Variants in ZNF518A observed in about 807,000 individuals in gnomAD.
ZNF518A encodes zinc finger protein 518.
Under a neutral mutation model 102.7 loss-of-function variants are expected in ZNF518A, and 47 were observed. That is an observed-to-expected ratio of 0.46 (90% CI 0.36 to 0.58). ZNF518A has a LOEUF of 0.58. Ranked by LOEUF, ZNF518A falls within the 20% of genes least tolerant of loss-of-function variation. ZNF518A has a pLI of 0.00. For missense variants in ZNF518A, 1,793 were observed against 1,699.8 expected (o/e 1.05, Z -0.96); for synonymous variants, 652 against 594.6 (o/e 1.10, Z -1.40).
At chr10:96,191,585 A>G in intron 1 of ZNF518A, 1 of 173,406 alleles carries the variant, frequency 5.8e-6, no homozygotes, top group Non-Finnish European at 1.2e-5. Context: ...AAGCATTGGC[A>G]GTGGAGAGCC....
chr10:96,141,253 A>G (rs1554876411), intron 3 of ZNF518A, among the ~76,000 whole-genome samples: 1 of 152,250 alleles, frequency 6.6e-6, no homozygotes, highest in East Asian at 1.9e-4. Flanking sequence ...ATGTAATAGT[A>G]TAAAGCAATT....
chr10:96,177,641 A>C (rs2083213574), intron 1 of ZNF518A, among the ~76,000 whole-genome samples: 1 of 152,196 alleles, frequency 6.6e-6, no homozygotes, highest in Admixed American at 6.5e-5. Context: ...TGTATAGCCT[A>C]GAGGAACCAT....
rs201039662 is a variant in ZNF518A at position 96,197,021 on chromosome 10, T to C, written n.36-6553T>C. The C allele has an allele frequency of 1.2e-6, 2 of 1,613,242 alleles. No individual in the cohort carries two copies. Among genetic ancestry groups the C allele is most frequent in the Non-Finnish European group, 1.7e-6 (2 of 1,179,608 alleles). On this transcript the variant is annotated intron_variant and non_coding_transcript_variant, in intron 1 of 2. Coordinates refer to the ZNF518A transcript ENST00000442635. The stretch of plus-strand genomic sequence containing the variant: ...AATACAACTAGTGTATATGGTTGTT[T>C]GGAATCATGGCCAGAGCTTTTCCGA...
intron 1 of ZNF518A, among the ~76,000 whole-genome samples, chr10:96,198,041 T>G (rs2083520876): frequency 6.6e-6 from 1 of 151,268 alleles, no homozygotes; most frequent in Admixed American, 6.6e-5. Flanking sequence ...GAACAAAAGA[T>G]GGACAAAAAG....
At chr10:96,187,994 G>C (rs587717124) in intron 1 of ZNF518A, among the ~76,000 whole-genome samples, 1 of 152,180 alleles carries the variant, frequency 6.6e-6, no homozygotes. Flanking sequence ...AATTACAGGC[G>C]AGTGCCACCA....
chr10:96,176,851 C>T (rs755599139), intron 1 of ZNF518A, among the ~76,000 whole-genome samples: 55 of 152,248 alleles, frequency 3.6e-4, no homozygotes, highest in Non-Finnish European at 7.4e-4. Context: ...GAGCTGAGAT[C>T]GTGCCACTGC....
intron 3 of ZNF518A, among the ~76,000 whole-genome samples, chr10:96,141,162 AG>A (rs1253523272): frequency 1.3e-5 from 2 of 152,200 alleles, no homozygotes; most frequent in Non-Finnish European, 2.9e-5. Flanking sequence ...GGTTTTTGTG[AG>A]GGAAAAATGA....
At chr10:96,169,986 C>T (rs1036551112) in intron 1 of ZNF518A, among the ~76,000 whole-genome samples, 1 of 152,210 alleles carries the variant, frequency 6.6e-6, no homozygotes, top group Non-Finnish European at 1.5e-5. Context: ...CCAGTGTTTG[C>T]TAAGGGACTT....
intron 3 of ZNF518A, among the ~76,000 whole-genome samples, chr10:96,141,077 A>G (rs185640307): frequency 2.0e-5 from 3 of 152,350 alleles, no homozygotes; most frequent in Admixed American, 6.5e-5. Flanking sequence ...AATCATAGTC[A>G]TATATTTGAT....
At chr10:96,154,408 TCCTC>T (rs782556200) in intron 3 of ZNF518A, among the ~76,000 whole-genome samples, 63 of 152,100 alleles carry the variant, frequency 4.1e-4, no homozygotes, top group South Asian at 3.5e-3. Context: ...CGTTTCTTTC[TCCTC>T]CCTCCCTCCC....
intron 1 of ZNF518A, chr10:96,189,543 GT>G (rs2133901930): frequency 1.5e-6 from 1 of 655,408 alleles, no homozygotes; most frequent in Non-Finnish European, 2.8e-6. Flanking sequence ...TGTTTTACGA[GT>G]TTTTTCCTGT....
At chr10:96,140,529 A>G (rs2081865495) in intron 3 of ZNF518A, among the ~76,000 whole-genome samples, 1 of 152,226 alleles carries the variant, frequency 6.6e-6, no homozygotes, top group Admixed American at 6.5e-5. Flanking sequence ...ACAGAAAAAG[A>G]AAAGAGCAAA....
At chr10:96,173,613 A>G (rs1241991412) in intron 1 of ZNF518A, among the ~76,000 whole-genome samples, 2 of 152,176 alleles carry the variant, frequency 1.3e-5, no homozygotes, top group African/African-American at 4.8e-5. Context: ...TAATAACAGA[A>G]CCACAAAATC....
chr10:96,197,848 G>A (rs961223307), intron 1 of ZNF518A, among the ~76,000 whole-genome samples: 7 of 150,850 alleles, frequency 4.6e-5, no homozygotes, highest in Middle Eastern at 3.2e-3. Flanking sequence ...CCCAGGAGAC[G>A]GAGTTTGCAG....
Position 96,157,055 on chromosome 10 carries a change from A to G in ZNF518A, c.733A>G (p.Thr245Ala). Residue 245 changes from threonine (T) to alanine (A), a missense_variant, in exon 6 of 6, where the codon ACC becomes GCC. Physicochemically the swap from Thr to Ala is moderately conservative, Grantham distance 58. Transcript: ENST00000316045. Reference sequence around the variant, plus strand: ...TGGTAAATGTCATCATGTATGTTTTACCAAAGGAGAGCTTCAGAAGCACCT... The same window carrying G: ...TGGTAAATGTCATCATGTATGTTTTGCCAAAGGAGAGCTTCAGAAGCACCT... ...KCGKCHHVCF[T>A]KGELQKHLHI... 6.2e-7 allele frequency: 1 copy of G among 1,613,630 alleles called. No homozygotes were observed. The highest frequency in any genetic ancestry group is 1.1e-5 in the South Asian group (1 of 90,990).
chr10:96,200,007 GCAT>G lies in ZNF518A; in HGVS notation n.36-3562_36-3560del, dbSNP rs60301802. The G allele has an allele frequency of 0.079, 92,032 of 1,159,098 alleles. 4,269 individuals carry two copies. Among genetic ancestry groups the G allele is most frequent in the South Asian group, 0.16 (6,118 of 38,944 alleles). The allele number at this position is 1,159,098 out of a possible 1,614,324, so 71.8% of individuals were successfully genotyped here. ...CGAGCCACTGCACTCCAGTGAAACTGCATCATCTCAAAACAAATAAATAAAATA... is the reference window on the plus strand; with the variant it reads ...CGAGCCACTGCACTCCAGTGAAACTGCATCTCAAAACAAATAAATAAAATA... On this transcript the variant is annotated intron_variant and non_coding_transcript_variant, in intron 1 of 2. Coordinates refer to the ZNF518A transcript ENST00000442635. This position sits in a 1 kb window ranked among gnomAD's most constrained non-coding sequence, Gnocchi z 4.3.
At chr10:96,181,382 G>A (rs1205684219) in intron 1 of ZNF518A, among the ~76,000 whole-genome samples, 2 of 152,106 alleles carry the variant, frequency 1.3e-5, no homozygotes, top group Non-Finnish European at 1.5e-5. Flanking sequence ...GGCTTTTGTT[G>A]CCATTGCTTT....
chr10:96,166,174 C>G (rs1297289878), downstream of ZNF518A, among the ~76,000 whole-genome samples: 1 of 152,154 alleles, frequency 6.6e-6, no homozygotes, highest in Non-Finnish European at 1.5e-5. Context: ...TTCCTTCTGT[C>G]CAGGCTCCTA....
chr10:96,201,910 T>C (rs1426151803), intron 1 of ZNF518A, among the ~76,000 whole-genome samples: 1 of 152,064 alleles, frequency 6.6e-6, no homozygotes, highest in Non-Finnish European at 1.5e-5. Flanking sequence ...ATATATATAA[T>C]GTTAGAGGGT....
Sources: allele counts gnomAD v4.1 joint callset (sites outside exome capture counted in the v4.1 genomes callset), GRCh38; gene constraint gnomAD v4.1.1; non-coding constraint Gnocchi (gnomAD v3.1); transcripts MANE v1.5; gene names NCBI Gene and HGNC (gene_info 2026-07-23, HGNC 2026-07-21).